The following MSH5 variants were observed in gnomAD, a reference collection of about 807,000 sequenced individuals.
MSH5 encodes mutS protein homolog 5.
In MSH5, 78 loss-of-function variants were observed where a neutral mutation model predicts 107.7. The observed-to-expected ratio is 0.72, with a 90% CI of 0.60 to 0.87. The LOEUF (loss-of-function observed/expected upper bound fraction) is 0.87, where lower values mean the gene tolerates loss of function less well. MSH5 is among the 40% of genes least tolerant of loss of function. The pLI, the probability that MSH5 is intolerant of heterozygous loss-of-function variation, is 0.00. For synonymous variants in MSH5, 326 were observed against 399.5 expected (o/e 0.82, Z 2.19); for missense variants, 889 against 1,046.6 (o/e 0.85, Z 2.08).
chr6:31,758,160 C>T lies in MSH5; in HGVS notation c.1015-5C>T. On this transcript the variant is annotated splice_polypyrimidine_tract_variant and splice_region_variant and intron_variant, in intron 12 of 24. Coordinates refer to ENST00000375750, the MANE Select transcript of MSH5 (RefSeq NM_172166.4). The surrounding 1 kb of genome is among the most constrained non-coding windows in gnomAD (Gnocchi z 5.1). ...CCTGTCCTCCTTTTTGTGTTTCTCT[C>T]ACAGACTGTGTACAGTGCCCTGGGC... 1 of 1,613,042 alleles carries T rather than the reference C, an allele frequency of 6.2e-7. No homozygotes were observed. The highest frequency in any genetic ancestry group is 8.5e-7 in the Non-Finnish European group (1 of 1,180,034).
At chr6:31,757,817 A>C (rs1038346078) in intron 12 of MSH5, 1 of 345,874 alleles carries the variant, frequency 2.9e-6, no homozygotes, top group Admixed American at 4.4e-5. Context: ...TTACATGTGC[A>C]TGCCACCAAG....
chr6:31,758,758 C>T lies in MSH5; in HGVS notation c.1217-8C>T, dbSNP rs1226026410. 3 of 1,613,576 alleles carry T rather than the reference C, an allele frequency of 1.9e-6. No individual in the cohort carries two copies. In the African/African-American group the frequency reaches 4.0e-5, roughly 22 times the overall value. ...CTTTTGATAACCACGTGTCTTCCAC[C>T]CTCGTAGAAAAGCGAAGACTGATGG... On this transcript the variant is annotated splice_region_variant and splice_polypyrimidine_tract_variant and intron_variant, in intron 14 of 24. Coordinates refer to ENST00000375750, the MANE Select transcript of MSH5 (RefSeq NM_172166.4). This position sits in a 1 kb window ranked among gnomAD's most constrained non-coding sequence, Gnocchi z 5.1.
Position 31,759,042 on chromosome 6 carries a change from T to C in MSH5, c.1327-55T>C. ...TTAAGCTCCCTCTAGGGTGGGGAGGTGTCCAGTAAGTCTCCAAGCAGGAGA... is the reference window on the plus strand; with the variant it reads ...TTAAGCTCCCTCTAGGGTGGGGAGGCGTCCAGTAAGTCTCCAAGCAGGAGA... On this transcript the variant is annotated intron_variant, in intron 15 of 24. Coordinates refer to ENST00000375750, the MANE Select transcript of MSH5 (RefSeq NM_172166.4). The surrounding 1 kb of genome is among the most constrained non-coding windows in gnomAD (Gnocchi z 4.7). 1 of 1,531,140 alleles carries C rather than the reference T, an allele frequency of 6.5e-7. No individual in the cohort carries two copies. The highest frequency in any genetic ancestry group is 9.0e-7 in the Non-Finnish European group (1 of 1,105,958). 94.8% of individuals were successfully genotyped at this position (1,531,140 alleles called of 1,614,324 possible). A position where few individuals can be genotyped will look rare whatever the true frequency, so the allele number is the denominator to read the frequency against.
chr6:31,750,378 CT>C (rs1490659955), intron 10 of MSH5, among the ~76,000 whole-genome samples: 1 of 152,136 alleles, frequency 6.6e-6, no homozygotes, highest in Non-Finnish European at 1.5e-5. Flanking sequence ...GAACTAAAAG[CT>C]GTACAGGCAC....
At chr6:31,741,345 A>T (rs2151331523) in intron 3 of MSH5, 59 bp downstream of exon 3, 1 of 539,578 alleles carries the variant, frequency 1.9e-6, no homozygotes, top group Non-Finnish European at 2.6e-6. Flanking sequence ...TTACACACAC[A>T]CACACACACA....
In MSH5 at chr6:31,761,033, TG is replaced by T; in HGVS notation, c.1963-153del. 1 of 990,928 alleles carries T rather than the reference TG, an allele frequency of 1.0e-6. No homozygotes were observed. Among genetic ancestry groups the T allele is most frequent in the South Asian group, 1.7e-5 (1 of 60,554 alleles). 61.4% of individuals were successfully genotyped at this position (990,928 alleles called of 1,614,324 possible). ...ACCCTTGTTTCATGTGAGTCACTGT[TG>T]GCAAAGAGGATGAACAAAGCGTGCA... is the stretch of plus-strand genomic sequence containing the variant. On this transcript the variant is annotated intron_variant, in intron 20 of 24. Coordinates refer to ENST00000375750, the MANE Select transcript of MSH5 (RefSeq NM_172166.4). The surrounding 1 kb of genome is among the most constrained non-coding windows in gnomAD (Gnocchi z 5.3).
chr6:31,743,137 C>T lies in MSH5; in HGVS notation c.382C>T (p.Pro128Ser). 1 of 1,612,984 alleles carries T rather than the reference C, an allele frequency of 6.2e-7. No individual in the cohort carries two copies. Residue 128 changes from proline (P) to serine (S), a missense_variant, in exon 5 of 25, where the codon CCT (proline) becomes TCT (serine). Pro to Ser is a moderately conservative substitution (Grantham distance 74, BLOSUM62 -1). This residue lies in a region of MSH5 where 518 missense variants were observed against 565.0 expected (regional missense o/e 0.92). Coordinates refer to ENST00000375750, the MANE Select transcript of MSH5 (RefSeq NM_172166.4). ...ASQEHREPKR[P>S]EIIFLPSVDF... The stretch of plus-strand genomic sequence containing the variant: ...CCAGGAGCACAGAGAGCCTAAAAGA[C>T]CTGAAATCATATTTTTGCCAAGTGT...
At chr6:31,756,165 CATTT>C (rs1211469298) in intron 12 of MSH5, among the ~76,000 whole-genome samples, 2 of 151,362 alleles carry the variant, frequency 1.3e-5, no homozygotes, top group Non-Finnish European at 1.5e-5. Flanking sequence ...ATCTATTATT[CATTT>C]ATTTATTTAT....
At chr6:31,744,714 A>T in intron 8 of MSH5, 133 bp downstream of exon 8, 1 of 988,296 alleles carries the variant, frequency 1.0e-6, no homozygotes, top group Non-Finnish European at 1.6e-6. Context: ...AGGAAAGGGA[A>T]GGGGGGTTTT....
In MSH5 at chr6:31,741,566, C is replaced by T. The variant is rs116917265; in HGVS notation, c.271+280C>T. Among the ~76,000 whole-genome samples the T allele has an allele frequency of 6.6e-4, 101 of 152,080 alleles. 1 individual carries two copies. The East Asian group carries it at 0.019, about 29-fold the overall frequency. On this transcript the variant is annotated intron_variant, in intron 3 of 24. Coordinates refer to ENST00000375750, the MANE Select transcript of MSH5 (RefSeq NM_172166.4). ...GCTAGTTTTTTGTGTGTGTTTTTAGCACAGACGGTGTTTCACCATGTTGGC... is the reference window on the plus strand; with the variant it reads ...GCTAGTTTTTTGTGTGTGTTTTTAGTACAGACGGTGTTTCACCATGTTGGC...
At chr6:31,750,226 ATTTAT>A (rs1334244275) in intron 10 of MSH5, among the ~76,000 whole-genome samples, 9 of 152,340 alleles carry the variant, frequency 5.9e-5, no homozygotes, top group Middle Eastern at 3.4e-3. Flanking sequence ...CTGTATACGA[ATTTAT>A]TTTAATTTAT....
Position 31,759,848 on chromosome 6 carries a change from ACC to A in MSH5, c.1560_1561del (p.Arg521SerfsTer116). 1.2e-6 allele frequency: 2 copies of A among 1,614,056 alleles called. No homozygotes were observed. Among genetic ancestry groups the A allele is most frequent in the Non-Finnish European group, 1.7e-6 (2 of 1,180,020 alleles). ...GGTGCTGGCACGAGCAGCTGTCTTA[ACC>A]CGAGTATTGGACCTTGCCTCCCGCC... ...CQVLARAAVL[T>X]RVLDLASRLD... On this transcript the variant is annotated frameshift_variant, in exon 18 of 25. Transcript: ENST00000375750. LOFTEE classifies it high-confidence loss of function. This position sits in a 1 kb window ranked among gnomAD's most constrained non-coding sequence, Gnocchi z 4.7.
chr6:31,740,175 T>C lies in MSH5; in HGVS notation c.-14+113T>C. The C allele has an allele frequency of 2.9e-6, 1 of 343,896 alleles. No individual in the cohort carries two copies. The highest frequency in any genetic ancestry group is 5.3e-6 in the Non-Finnish European group (1 of 187,914). 21.3% of individuals were successfully genotyped at this position (343,896 alleles called of 1,614,324 possible). A position where few individuals can be genotyped will look rare whatever the true frequency, so the allele number is the denominator to read the frequency against. On this transcript the variant is annotated intron_variant, in intron 1 of 24. Transcript: ENST00000375750. This position sits in a 1 kb window ranked among gnomAD's most constrained non-coding sequence, Gnocchi z 4.4. Reference sequence around the variant, plus strand: ...TTGGCAGAGGCAGAGACATAAGACGTGCACGACTCGCCCCACAGGGCCCTC... The same window carrying C: ...TTGGCAGAGGCAGAGACATAAGACGCGCACGACTCGCCCCACAGGGCCCTC...
chr6:31,741,038 C>A, intron 2 of MSH5, 125 bp from the exon 3 acceptor site: 1 of 1,244,480 alleles, frequency 8.0e-7, no homozygotes, highest in Non-Finnish European at 1.1e-6. Context: ...GTTTCACATT[C>A]ACTAAATGGG....
At chr6:31,751,027 CAG>C (rs1206930172) in intron 10 of MSH5, among the ~76,000 whole-genome samples, 5 of 152,064 alleles carry the variant, frequency 3.3e-5, no homozygotes, top group African/African-American at 1.2e-4. Context: ...TTTTTTGAGA[CAG>C]AGTCTCACTC....
rs1810951433 is a variant in MSH5 at position 31,761,149 on chromosome 6, C to T, written c.1963-39C>T. The T allele has an allele frequency of 1.2e-6, 2 of 1,601,106 alleles. No homozygotes were observed. Among genetic ancestry groups the T allele is most frequent in the Middle Eastern group, 1.7e-4 (1 of 6,028 alleles). On this transcript the variant is annotated intron_variant, in intron 20 of 24. Transcript: ENST00000375750. The surrounding 1 kb of genome is among the most constrained non-coding windows in gnomAD (Gnocchi z 5.3). Reference sequence around the variant, plus strand: ...ACTGTGGTCAGTGCGTTACGGGCTTCCAATACTAACTTTCCCTTGTCCACC... The same window carrying T: ...ACTGTGGTCAGTGCGTTACGGGCTTTCAATACTAACTTTCCCTTGTCCACC...
At chr6:31,753,471 G>T in intron 11 of MSH5, 32 bp downstream of exon 11, 1 of 1,612,346 alleles carries the variant, frequency 6.2e-7, no homozygotes, top group Non-Finnish European at 8.5e-7. Flanking sequence ...GGGAGGTGGG[G>T]AAGGAGGTTG....
rs369328784 is a variant in MSH5 at position 31,759,786 on chromosome 6, A to G, written c.1496A>G (p.Asp499Gly). The G allele has an allele frequency of 2.1e-4, 337 of 1,612,438 alleles. No individual in the cohort carries two copies. The highest frequency in any genetic ancestry group is 2.7e-4 in the Non-Finnish European group (322 of 1,179,940). ...LLGDLHCEIRDQETLLMYQLQ... is the reference protein window; with the variant it reads ...LLGDLHCEIRGQETLLMYQLQ... ...AGCTCCCTTCCTCACCCACTCCCAG[A>G]CCAGGAGACGCTGCTGATGTACCAG... is the stretch of plus-strand genomic sequence containing the variant. The change falls in exon 18 of 25, where the codon GAC (aspartate) becomes GGC (glycine). Residue 499 changes from aspartate (D) to glycine (G), a missense_variant and splice_region_variant. Physicochemically the swap from Asp to Gly is moderately conservative, Grantham distance 94. Around this residue, in one of 3 missense-constraint regions of MSH5, gnomAD observed 362 missense variants for 456.2 expected, o/e 0.79. Coordinates refer to ENST00000375750, the MANE Select transcript of MSH5 (RefSeq NM_172166.4). This position sits in a 1 kb window ranked among gnomAD's most constrained non-coding sequence, Gnocchi z 4.7.
At chr6:31,752,542 A>C (rs1810055871) in intron 10 of MSH5, among the ~76,000 whole-genome samples, 1 of 152,170 alleles carries the variant, frequency 6.6e-6, no homozygotes. Context: ...CAACATAGTG[A>C]AACCCTGACT....
Sources: allele counts gnomAD v4.1 joint callset (sites outside exome capture counted in the v4.1 genomes callset), GRCh38; gene constraint gnomAD v4.1.1; regional missense constraint gnomAD v4.1.1; non-coding constraint Gnocchi (gnomAD v3.1); transcripts MANE v1.5; gene names NCBI Gene and HGNC (gene_info 2026-07-23, HGNC 2026-07-21).